Variants in RBBP6 observed in about 807,000 individuals in gnomAD.
RBBP6 encodes the protein RB binding protein 6, ubiquitin ligase, also known as E3 ubiquitin-protein ligase RBBP6.
RBBP6 carries 25 observed loss-of-function variants against 167.7 expected under a neutral mutation model. The observed-to-expected ratio is 0.15, with a 90% CI of 0.11 to 0.21. RBBP6 has a LOEUF of 0.21. Among genes scored for constraint, RBBP6 ranks in the 10% least tolerant of loss-of-function variants. RBBP6 has a pLI of 1.00. For missense variants in RBBP6, 1,868 were observed against 2,134.2 expected, an observed-to-expected ratio of 0.88 and a Z score of 2.46; for synonymous variants, 789 against 735.8, an observed-to-expected ratio of 1.07 and a Z score of -1.17.
At chr16:24,554,264 A>G (rs928365880) in intron 4 of RBBP6, 1 of 151,790 alleles carries the variant, frequency 6.6e-6, no homozygotes, top group Non-Finnish European at 1.5e-5. Context: ...GTGATGGATT[A>G]CTTTTTAAAG....
At position 24,543,136 on chromosome 16, in the gene RBBP6, A is replaced by G. The variant is rs1320886819; in HGVS notation, c.166+2344A>G. 3.9e-5 allele frequency among the ~76,000 whole-genome samples: 6 copies of G among 152,334 alleles called. No individual in the cohort carries two copies. The East Asian group carries it at 7.7e-4, about 20-fold the overall frequency. Reference sequence around the variant, plus strand: ...TTTGGTTTTAGCACCGATATTCAACATATTTACTAAAGAAAACTATGGTAA... The same window carrying G: ...TTTGGTTTTAGCACCGATATTCAACGTATTTACTAAAGAAAACTATGGTAA... On this transcript the variant is annotated intron_variant, in intron 1 of 17. Coordinates refer to ENST00000319715, the MANE Select transcript of RBBP6 (RefSeq NM_006910.5).
intron 1 of RBBP6, among the ~76,000 whole-genome samples, chr16:24,542,035 T>C (rs896998214): frequency 6.6e-6 from 1 of 152,196 alleles, no homozygotes; most frequent in Non-Finnish European, 1.5e-5. Context: ...CTCAAAAATA[T>C]TAAGGAAGAA....
Position 24,569,561 on chromosome 16 carries a change from T to C in RBBP6, c.2871T>C (p.Ser957=). The C allele has an allele frequency of 1.9e-6, 3 of 1,612,378 alleles. No individual in the cohort carries two copies. The highest frequency in any genetic ancestry group is 1.1e-5 in the South Asian group (1 of 90,604). Residue 957 remains serine, a synonymous_variant, in exon 17 of 18, where the codon TCT becomes TCC. Coordinates refer to ENST00000319715, the MANE Select transcript of RBBP6 (RefSeq NM_006910.5). ...TGAACCCAGAGTTATTAGAGACTTCTAGGAAATCAAGAGAACCTACAGGTG... is the reference window on the plus strand; with the variant it reads ...TGAACCCAGAGTTATTAGAGACTTCCAGGAAATCAAGAGAACCTACAGGTG... ...GFLNPELLET[S]RKSREPTGVE...
rs1381497555 is a variant in RBBP6 at position 24,557,713 on chromosome 16, G to C, written c.674+1266G>C. Among the ~76,000 whole-genome samples the C allele has an allele frequency of 2.0e-5, 3 of 152,134 alleles. No individual in the cohort carries two copies. The East Asian group carries it at 5.8e-4, about 29-fold the overall frequency. On this transcript the variant is annotated intron_variant, in intron 7 of 17. Coordinates refer to ENST00000319715, the MANE Select transcript of RBBP6 (RefSeq NM_006910.5). The stretch of plus-strand genomic sequence containing the variant: ...CTCAGGGCATCAATTTACAGAATTA[G>C]GTGTTCATGTTCTCAGTGAAAAAAT...
In RBBP6 at chr16:24,561,883, T is replaced by C. The variant is rs779525426; in HGVS notation, c.1011T>C (p.Pro337=). ...CAAAAAGACTACGAAAACAGTTACC[T>C]CCTCCACCACCCCCAATACCACCTC... ...GYTKRLRKQL[P]PPPPPIPPPR... The change falls in exon 10 of 18, where the codon CCT becomes CCC. Residue 337 remains proline (P), a synonymous_variant. Coordinates refer to ENST00000319715, the MANE Select transcript of RBBP6 (RefSeq NM_006910.5). 1 of 1,613,932 alleles carries C rather than the reference T, an allele frequency of 6.2e-7. No individual in the cohort carries two copies. The highest frequency in any genetic ancestry group is 1.3e-5 in the African/African-American group (1 of 75,018).
chr16:24,572,250 GAAGAAGAAA>G lies in RBBP6; in HGVS notation c.5191_5199del (p.Lys1731_Lys1733del), dbSNP rs1567282802. On this transcript the variant is annotated inframe_deletion, in exon 18 of 18. Coordinates refer to ENST00000319715, the MANE Select transcript of RBBP6 (RefSeq NM_006910.5). ...CAGCAGAAAGTCAGGACAGCAAGAA[GAAGAAGAAA>G]AAGAAGGAAAAGAAAAAACACAAGA... is the stretch of plus-strand genomic sequence containing the variant. 5 of 1,613,096 alleles carry G rather than the reference GAAGAAGAAA, an allele frequency of 3.1e-6. No homozygotes were observed. The highest frequency in any genetic ancestry group is 2.2e-5 in the East Asian group (1 of 44,864).
chr16:24,560,396 G>A (rs1417796379), intron 8 of RBBP6, among the ~76,000 whole-genome samples: 2 of 152,156 alleles, frequency 1.3e-5, no homozygotes, highest in South Asian at 2.1e-4. Flanking sequence ...GTGAGCCACC[G>A]CGCCCGACAT....
intron 2 of RBBP6, among the ~76,000 whole-genome samples, chr16:24,546,712 A>G (rs967256781): frequency 6.6e-6 from 1 of 152,212 alleles, no homozygotes; most frequent in Non-Finnish European, 1.5e-5. Context: ...GGCATAAAGT[A>G]TATAGGATTT....
intron 3 of RBBP6, chr16:24,549,442 GT>G (rs996784808): frequency 3.7e-4 from 320 of 869,720 alleles, no homozygotes; most frequent in Middle Eastern, 5.8e-4. Context: ...GTTTTTGTTA[GT>G]TTTTTTTTTC....
In RBBP6 at chr16:24,555,429, A is replaced by C. The variant is rs1596504710; in HGVS notation, c.349-186A>C. ...AGAATGACTTTCTTCAGCCTTGCAG[A>C]CACCTAAACATCATGTAATTACCTA... is the stretch of plus-strand genomic sequence containing the variant. On this transcript the variant is annotated intron_variant, in intron 4 of 17. Transcript: ENST00000319715. 5 of 518,360 alleles carry C rather than the reference A, an allele frequency of 9.6e-6. No individual in the cohort carries two copies. In the East Asian group the frequency reaches 1.6e-4, roughly 17 times the overall value. The allele number at this position is 518,360 out of a possible 1,614,324, so 32.1% of individuals were successfully genotyped here. A position where few individuals can be genotyped will look rare whatever the true frequency, so the allele number is the denominator to read the frequency against.
chr16:24,571,100 C>T lies in RBBP6; in HGVS notation c.4034C>T (p.Pro1345Leu). Residue 1345 changes from proline to leucine, a missense_variant, in exon 18 of 18, where the codon CCT becomes CTT. This residue lies in a region of RBBP6 where 591 missense variants were observed against 540.5 expected (regional missense o/e 1.09). Transcript: ENST00000319715. ...CAGCCTATATCAAGTGTAGGAAAAC[C>T]TGCTAGTGTTATAAAAAATGTTAGT... is the stretch of plus-strand genomic sequence containing the variant. Reference protein sequence around the residue: ...STQPISSVGKPASVIKNVSTK... With the variant: ...STQPISSVGKLASVIKNVSTK... 1 of 1,612,360 alleles carries T rather than the reference C, an allele frequency of 6.2e-7. No individual in the cohort carries two copies. The highest frequency in any genetic ancestry group is 8.5e-7 in the Non-Finnish European group (1 of 1,178,928).
Position 24,540,468 on chromosome 16 carries a change from C to T in RBBP6, c.-159C>T, listed in dbSNP as rs1410268794. On this transcript the variant is annotated 5_prime_UTR_variant, in exon 1 of 18. Transcript: ENST00000319715. ...GTCTCTGGATTATTGTTCTGACGAA[C>T]CCCTGCTTGTGGTTGGGGGGTATTT... 3.3e-6 allele frequency: 2 copies of T among 604,722 alleles called. No homozygotes were observed. The highest frequency in any genetic ancestry group is 5.5e-6 in the Non-Finnish European group (2 of 364,220). The allele number at this position is 604,722 out of a possible 1,614,324, so 37.5% of individuals were successfully genotyped here. A position where few individuals can be genotyped will look rare whatever the true frequency, so the allele number is the denominator to read the frequency against.
intron 2 of RBBP6, among the ~76,000 whole-genome samples, 153 bp downstream of exon 2, chr16:24,546,415 G>A (rs77869632): frequency 1.8e-3 from 275 of 152,126 alleles, no homozygotes; most frequent in African/African-American, 6.2e-3. Flanking sequence ...TTCTTTGTTC[G>A]TTTGTTTTTG....
chr16:24,549,158 A>G, intron 3 of RBBP6, 177 bp downstream of exon 3: 16 of 1,445,746 alleles, frequency 1.1e-5, no homozygotes, highest in South Asian at 1.5e-5. Flanking sequence ...TCACTTGCAC[A>G]CTTATTTTGT....
chr16:24,540,835 G>GATACTA, intron 1 of RBBP6, 43 bp downstream of exon 1: 1 of 1,586,170 alleles, frequency 6.3e-7, no homozygotes. Context: ...GCTGGAGAGA[G>GATACTA]ATACTAGCTA....
intron 3 of RBBP6, chr16:24,549,258 T>C (rs1898739907): frequency 2.4e-6 from 3 of 1,263,490 alleles, no homozygotes; most frequent in Non-Finnish European, 3.0e-6. Flanking sequence ...AGTTAATGTA[T>C]GATCCTTTTT....
intron 17 of RBBP6, 116 bp from the exon 18 acceptor site, chr16:24,570,760 T>TTTTTG: frequency 1.0e-6 from 1 of 983,912 alleles, no homozygotes; most frequent in Non-Finnish European, 1.4e-6. Context: ...AAGTTTTTTG[T>TTTTTG]TTTTTTTAAT....
At chr16:24,549,146 C>T (rs1898737234) in intron 3 of RBBP6, 165 bp downstream of exon 3, 1 of 1,463,276 alleles carries the variant, frequency 6.8e-7, no homozygotes. Context: ...TAATATGTGG[C>T]ATCACTTGCA....
intron 12 of RBBP6, 22 bp from the exon 13 acceptor site, chr16:24,563,588 T>C (rs776443589): frequency 2.1e-5 from 34 of 1,612,778 alleles, no homozygotes; most frequent in Non-Finnish European, 2.8e-5. Context: ...ATTTACCTAC[T>C]GCTTTTATTT....
Sources: gnomAD v4.1 joint callset for allele counts (sites outside exome capture counted in the v4.1 genomes callset) on GRCh38, gnomAD v4.1.1 for gene constraint, gnomAD v4.1.1 regional missense constraint, MANE v1.5 for transcripts, NCBI Gene and HGNC (gene_info 2026-07-23, HGNC 2026-07-21) for gene names.